Variants in PTPRG observed in about 807,000 individuals in gnomAD.
PTPRG encodes the protein receptor-type tyrosine-protein phosphatase gamma.
In PTPRG, 102 loss-of-function variants were observed where a neutral mutation model predicts 165.3. That is an observed-to-expected ratio of 0.62 (90% CI 0.53 to 0.73). PTPRG has a LOEUF of 0.73. Ranked by LOEUF, PTPRG falls within the 30% of genes least tolerant of loss-of-function variation. The probability of loss-of-function intolerance (pLI) is 0.00; values close to 1 mark genes in which losing one functional copy is unlikely to be tolerated. For missense variants in PTPRG, 1,866 were observed against 1,861.4 expected (o/e 1.00, Z -0.05); for synonymous variants, 675 against 669.5 (o/e 1.01, Z -0.13).
chr3:62,111,494 G>C (rs1185623205), intron 5 of PTPRG, among the ~76,000 whole-genome samples: 1 of 152,184 alleles, frequency 6.6e-6, no homozygotes, highest in African/African-American at 2.4e-5. Flanking sequence ...CTGTCACCCA[G>C]GCTGGAGTGC....
chr3:62,137,604 C>A (rs1417540709), intron 6 of PTPRG, among the ~76,000 whole-genome samples: 1 of 152,040 alleles, frequency 6.6e-6, no homozygotes, highest in African/African-American at 2.4e-5. Context: ...GTCATGGGTT[C>A]GCCAGGATTC....
At chr3:61,728,481 G>A (rs982984660) in intron 1 of PTPRG, among the ~76,000 whole-genome samples, 1 of 152,080 alleles carries the variant, frequency 6.6e-6, no homozygotes, top group African/African-American at 2.4e-5. Context: ...TACTCGGGAG[G>A]TTGAGGCAAG....
chr3:62,243,604 A>T (rs1415862210), intron 14 of PTPRG: 5 of 407,236 alleles, frequency 1.2e-5, no homozygotes, highest in South Asian at 4.5e-5. Flanking sequence ...CGGTGATGAT[A>T]AAAAAAATGG....
rs759529074 is a variant in PTPRG, at chr3:62,269,152, A to T, written c.2992A>T (p.Asn998Tyr). The T allele has an allele frequency of 1.9e-6, 3 of 1,583,034 alleles. No homozygotes were observed. The highest frequency in any genetic ancestry group is 2.6e-6 in the Non-Finnish European group (3 of 1,157,886). Residue 998 changes from asparagine (N) to tyrosine (Y), a missense_variant, in exon 20 of 30, where the codon AAT (asparagine) becomes TAT (tyrosine). Asn to Tyr is a moderately radical substitution (Grantham distance 143, BLOSUM62 -2). Coordinates refer to ENST00000474889, the MANE Select transcript of PTPRG (RefSeq NM_002841.4). ...CYTVRRFSIR[N>Y]TKVKKGQKGN... ...CACTGTTCGTCGTTTTTCAATCAGA[A>T]ATACAAAAGTGAAAAAGGTATGGAA...
intron 12 of PTPRG, among the ~76,000 whole-genome samples, chr3:62,216,079 G>T (rs771432832): frequency 1.3e-5 from 2 of 152,104 alleles, no homozygotes; most frequent in Admixed American, 6.5e-5. Flanking sequence ...TTGGCCAGGC[G>T]TGGTGGCACA....
chr3:61,622,436 A>AT (rs138099522), intron 1 of PTPRG, among the ~76,000 whole-genome samples: 2,800 of 147,712 alleles, frequency 0.019, 41 homozygotes, highest in Non-Finnish European at 0.03. Flanking sequence ...TTGGATGATA[A>AT]TTTTTTTTTT....
chr3:61,887,123 C>CATATATATAT lies in PTPRG; in HGVS notation c.191-102463_191-102454dup, dbSNP rs148352398. Among the ~76,000 whole-genome samples the CATATATATAT allele has an allele frequency of 4.3e-3, 366 of 85,786 alleles. 15 individuals carry two copies. Among genetic ancestry groups the CATATATATAT allele is most frequent in the East Asian group, 0.015 (17 of 1,158 alleles). The allele number at this position is 85,786 out of a possible 152,430, so 56.3% of individuals were successfully genotyped here. A position where few individuals can be genotyped will look rare whatever the true frequency, so the allele number is the denominator to read the frequency against. ...ATTTTTAAAGTATAACCATAGCATG[C>CATATATATAT]ATATATATATATATATATATATATA... On this transcript the variant is annotated intron_variant, in intron 2 of 29. Coordinates refer to ENST00000474889, the MANE Select transcript of PTPRG (RefSeq NM_002841.4).
chr3:62,263,420 C>CA (rs1701761543), intron 17 of PTPRG: 1 of 153,084 alleles, frequency 6.5e-6, no homozygotes, highest in Non-Finnish European at 1.5e-5. Context: ...GTTAGGGACT[C>CA]AAACAAATGG....
intron 26 of PTPRG, among the ~76,000 whole-genome samples, chr3:62,279,675 T>C (rs1428568972): frequency 6.6e-6 from 1 of 152,084 alleles, no homozygotes; most frequent in African/African-American, 2.4e-5. Flanking sequence ...CTAAACCCAG[T>C]TGCTAATCTG....
At chr3:62,067,037 TCAAAAAA>T (rs1330164454) in intron 4 of PTPRG, among the ~76,000 whole-genome samples, 2 of 48,154 alleles carry the variant, frequency 4.2e-5, no homozygotes, top group African/African-American at 1.5e-4. Flanking sequence ...AGATTCTGAC[TCAAAAAA>T]AAAAAAAAAA....
chr3:61,970,933 A>G (rs900199941), intron 2 of PTPRG, among the ~76,000 whole-genome samples: 1 of 152,204 alleles, frequency 6.6e-6, no homozygotes. Context: ...CTTATTTCTG[A>G]AACTGTCTAA....
intron 12 of PTPRG, among the ~76,000 whole-genome samples, chr3:62,209,210 T>C (rs914239807): frequency 6.6e-6 from 1 of 152,180 alleles, no homozygotes; most frequent in Non-Finnish European, 1.5e-5. Flanking sequence ...TCTGGAGACA[T>C]TTTTAGTTGT....
At chr3:62,073,734 G>A (rs530724914) in intron 4 of PTPRG, among the ~76,000 whole-genome samples, 87 of 152,146 alleles carry the variant, frequency 5.7e-4, no homozygotes, top group Non-Finnish European at 1.1e-3. Flanking sequence ...ATCCACCTTG[G>A]CCTCACAAAG....
At chr3:62,063,563 G>A (rs1191410588) in intron 4 of PTPRG, among the ~76,000 whole-genome samples, 2 of 152,210 alleles carry the variant, frequency 1.3e-5, no homozygotes, top group South Asian at 2.1e-4. Flanking sequence ...GGCTAGGTAG[G>A]TGGGAAATTA....
At chr3:62,076,888 G>A (rs1452097728) in intron 4 of PTPRG, among the ~76,000 whole-genome samples, 2 of 152,138 alleles carry the variant, frequency 1.3e-5, no homozygotes, top group Non-Finnish European at 2.9e-5. Context: ...ACTGTTCTCT[G>A]CATCTTTTTA....
chr3:61,605,488 T>TCA (rs142434162), intron 1 of PTPRG, among the ~76,000 whole-genome samples: 17,729 of 152,048 alleles, frequency 0.12, 1,154 homozygotes, highest in African/African-American at 0.18. Flanking sequence ...ACTCTGGACC[T>TCA]CAGGGGATCT....
chr3:61,595,364 G>A (rs1700677585), intron 1 of PTPRG, among the ~76,000 whole-genome samples: 1 of 152,188 alleles, frequency 6.6e-6, no homozygotes, highest in South Asian at 2.1e-4. Context: ...GAAATTGACT[G>A]AAGTAAGACT....
chr3:61,583,898 AT>A (rs1700369231), intron 1 of PTPRG, among the ~76,000 whole-genome samples: 1 of 152,106 alleles, frequency 6.6e-6, no homozygotes, highest in East Asian at 1.9e-4. Context: ...CCAAGGGTTG[AT>A]TTGGGTCATT....
At chr3:62,090,135 G>T (rs983469803) in intron 5 of PTPRG, among the ~76,000 whole-genome samples, 6 of 152,136 alleles carry the variant, frequency 3.9e-5, no homozygotes, top group African/African-American at 1.2e-4. Context: ...AAAATGTTCT[G>T]CATATGAAAC....
Sources: allele counts gnomAD v4.1 joint callset (sites outside exome capture counted in the v4.1 genomes callset), GRCh38; gene constraint gnomAD v4.1.1; transcripts MANE v1.5; gene names NCBI Gene and HGNC (gene_info 2026-07-23, HGNC 2026-07-21).